The following TIMP3 variants were observed in gnomAD, a reference collection of about 807,000 sequenced individuals.
The protein encoded by TIMP3 is metalloproteinase inhibitor 3.
A neutral mutation model predicts 30.0 loss-of-function variants in TIMP3; 11 were observed. The ratio of observed to expected loss-of-function variants is 0.37; its 90% CI spans 0.23 to 0.61. TIMP3 has a LOEUF of 0.61. Ranked by LOEUF, TIMP3 falls within the 20% of genes least tolerant of loss-of-function variation. The pLI is 0.70. For synonymous variants in TIMP3, 112 were observed against 111.3 expected, an observed-to-expected ratio of 1.01 and a Z score of -0.04; for missense variants, 181 against 276.8, an observed-to-expected ratio of 0.65 and a Z score of 2.45.
chr22:32,840,260 A>T (rs1569266757), intron 1 of TIMP3, among the ~76,000 whole-genome samples: 1 of 152,170 alleles, frequency 6.6e-6, no homozygotes, highest in Non-Finnish European at 1.5e-5. Flanking sequence ...TAAAACCAAG[A>T]TTAATATTTT....
intron 1 of TIMP3, among the ~76,000 whole-genome samples, chr22:32,825,518 G>A (rs1446122678): frequency 1.3e-5 from 2 of 151,780 alleles, no homozygotes; most frequent in African/African-American, 2.4e-5. Flanking sequence ...AATTAGCTGG[G>A]TGTGGTGGCG....
In TIMP3 at chr22:32,861,608, T is replaced by G. The variant is rs925230990; in HGVS notation, c.*2231T>G. 1.3e-5 allele frequency: 2 copies of G among 152,600 alleles called. No individual in the cohort carries two copies. Among genetic ancestry groups the G allele is most frequent in the African/African-American group, 2.4e-5 (1 of 41,434 alleles). 9.5% of individuals were successfully genotyped at this position (152,600 alleles called of 1,614,324 possible). A position where few individuals can be genotyped will look rare whatever the true frequency, so the allele number is the denominator to read the frequency against. ...CAGCCTCTCTCACACAAGGAGGAAC[T>G]TGGGTGAAGGCTGAGTGTGAGGCAC... On this transcript the variant is annotated 3_prime_UTR_variant, in exon 5 of 5. Coordinates refer to ENST00000266085, the MANE Select transcript of TIMP3 (RefSeq NM_000362.5).
chr22:32,830,213 T>C (rs960943145), intron 1 of TIMP3, among the ~76,000 whole-genome samples: 3 of 152,198 alleles, frequency 2.0e-5, no homozygotes, highest in Admixed American at 6.5e-5. Flanking sequence ...GCCTCTTCAC[T>C]GTCTTGGGAA....
rs1386635077 is a variant in TIMP3, at chr22:32,860,121, C to T, written c.*744C>T. The T allele has an allele frequency of 6.6e-6, 1 of 152,256 alleles. No individual in the cohort carries two copies. The highest frequency in any genetic ancestry group is 2.1e-4 in the South Asian group (1 of 4,828). The allele number at this position is 152,256 out of a possible 1,614,324, so 9.4% of individuals were successfully genotyped here. ...TCTTAGTTGGTGAAGACTTAAACAT[C>T]TGCCTGAGGTCAGGAGGCAATTTGC... On this transcript the variant is annotated 3_prime_UTR_variant, in exon 5 of 5. Transcript: ENST00000266085.
chr22:32,807,273 T>A (rs2046765519), intron 1 of TIMP3, among the ~76,000 whole-genome samples: 1 of 140,142 alleles, frequency 7.1e-6, no homozygotes. Context: ...CTTTTATTAC[T>A]GTGGATTGAT....
chr22:32,859,705 A>C lies in TIMP3; in HGVS notation c.*328A>C. On this transcript the variant is annotated 3_prime_UTR_variant, in exon 5 of 5. Transcript: ENST00000266085. ...TTTAGGAAAACAAAAATGAAAAACT[A>C]CTCCATTTGAGGATTGTAATTCCCA... is the stretch of plus-strand genomic sequence containing the variant. 3.3e-6 allele frequency: 1 copy of C among 307,416 alleles called. No homozygotes were observed. The highest frequency in any genetic ancestry group is 6.1e-6 in the Non-Finnish European group (1 of 165,166). The allele number at this position is 307,416 out of a possible 1,614,324, so 19.0% of individuals were successfully genotyped here.
At chr22:32,827,275 C>T (rs1000470231) in intron 1 of TIMP3, among the ~76,000 whole-genome samples, 2 of 152,186 alleles carry the variant, frequency 1.3e-5, no homozygotes, top group South Asian at 2.1e-4. Flanking sequence ...AAAAACAGAG[C>T]CAGGCGTGGC....
chr22:32,807,305 T>A lies in TIMP3; in HGVS notation c.121+5183T>A, dbSNP rs5994632. ...TGATGGTTTGGAGGATATATATATA[T>A]AAATATATAATATATAAATATATAA... On this transcript the variant is annotated intron_variant, in intron 1 of 4. Coordinates refer to ENST00000266085, the MANE Select transcript of TIMP3 (RefSeq NM_000362.5). 4.5e-4 allele frequency among the ~76,000 whole-genome samples: 57 copies of A among 127,566 alleles called. No homozygotes were observed. In the East Asian group the frequency reaches 7.4e-3, roughly 17 times the overall value. 83.7% of individuals were successfully genotyped at this position (127,566 alleles called of 152,430 possible).
chr22:32,828,356 A>C lies in TIMP3; in HGVS notation c.122-21096A>C, dbSNP rs139108162. Among the ~76,000 whole-genome samples, 979 of 152,360 alleles carry C rather than the reference A, an allele frequency of 6.4e-3. 9 individuals are homozygous for C. The highest frequency in any genetic ancestry group is 0.022 in the African/African-American group (932 of 41,584). ...ACAACATTCTTTTATGTTGATGTGA[A>C]GTAGCAAATCTTTCAGAGATACAGG... On this transcript the variant is annotated intron_variant, in intron 1 of 4. Transcript: ENST00000266085.
intron 1 of TIMP3, among the ~76,000 whole-genome samples, chr22:32,811,270 G>A (rs1008086771): frequency 1.3e-4 from 20 of 152,146 alleles, no homozygotes; most frequent in Non-Finnish European, 1.5e-5. Context: ...CAGGTGGAGA[G>A]GTCGCAAAAT....
In TIMP3 at chr22:32,802,120, T is replaced by G; in HGVS notation, c.119T>G (p.Ile40Ser). The change falls in exon 1 of 5, where the codon ATC (isoleucine) becomes AGC (serine). Residue 40 changes from isoleucine (I) to serine (S), a missense_variant and splice_region_variant. Ile to Ser is a moderately radical substitution (Grantham distance 142). Coordinates refer to ENST00000266085, the MANE Select transcript of TIMP3 (RefSeq NM_000362.5). ...HPQDAFCNSDIVIRAKVVGKK... is the reference protein window; with the variant it reads ...HPQDAFCNSDSVIRAKVVGKK... The stretch of plus-strand genomic sequence containing the variant: ...CAGGACGCCTTCTGCAACTCCGACA[T>G]CGGTAAGCGCTCCTGGTGCCCCGCC... The G allele has an allele frequency of 6.3e-7, 1 of 1,581,792 alleles. No individual in the cohort carries two copies. Among genetic ancestry groups the G allele is most frequent in the Non-Finnish European group, 8.5e-7 (1 of 1,169,872 alleles).
intron 1 of TIMP3, among the ~76,000 whole-genome samples, chr22:32,812,622 C>T (rs983115254): frequency 6.6e-6 from 1 of 152,218 alleles, no homozygotes; most frequent in African/African-American, 2.4e-5. Context: ...CCTACCTGAG[C>T]AGTGCCTCAC....
intron 1 of TIMP3, among the ~76,000 whole-genome samples, chr22:32,823,026 G>A (rs573523129): frequency 6.6e-6 from 1 of 152,254 alleles, no homozygotes; most frequent in South Asian, 2.1e-4. Flanking sequence ...GTTACTCTGC[G>A]CTGTGGGATT....
chr22:32,810,050 A>C (rs1423984733), intron 1 of TIMP3, among the ~76,000 whole-genome samples: 1 of 152,190 alleles, frequency 6.6e-6, no homozygotes, highest in African/African-American at 2.4e-5. Context: ...ATGGGTTCAG[A>C]TATTTTCCTA....
chr22:32,838,941 C>T (rs1252272533), intron 1 of TIMP3, among the ~76,000 whole-genome samples: 1 of 151,442 alleles, frequency 6.6e-6, no homozygotes, highest in Non-Finnish European at 1.5e-5. Flanking sequence ...CATTAAAGAA[C>T]ACGTGCTGGA....
At chr22:32,852,766 T>C (rs530647187) in intron 2 of TIMP3, among the ~76,000 whole-genome samples, 9 of 152,006 alleles carry the variant, frequency 5.9e-5, no homozygotes, top group Non-Finnish European at 8.8e-5. Flanking sequence ...AGCAGGGTGT[T>C]AGAATGTTGA....
chr22:32,857,539 C>G (rs2048405390), intron 3 of TIMP3, among the ~76,000 whole-genome samples, 179 bp downstream of exon 3: 1 of 152,174 alleles, frequency 6.6e-6, no homozygotes, highest in Non-Finnish European at 1.5e-5. Context: ...TACACTTAGG[C>G]TGGACTTTGG....
chr22:32,842,516 C>T (rs139601689), intron 1 of TIMP3, among the ~76,000 whole-genome samples: 5 of 152,300 alleles, frequency 3.3e-5, no homozygotes, highest in African/African-American at 7.2e-5. Context: ...AAGAATCTTT[C>T]GGGTTCCTCT....
intron 1 of TIMP3, among the ~76,000 whole-genome samples, chr22:32,822,185 CTCTG>C (rs1481348862): frequency 6.7e-5 from 10 of 150,266 alleles, no homozygotes; most frequent in Non-Finnish European, 1.5e-4. Flanking sequence ...GAAGTTGGAG[CTCTG>C]TCTGTCTGTC....
Sources: allele counts gnomAD v4.1 joint callset (sites outside exome capture counted in the v4.1 genomes callset), GRCh38; gene constraint gnomAD v4.1.1; transcripts MANE v1.5; gene names NCBI Gene and HGNC (gene_info 2026-07-23, HGNC 2026-07-21).